DLG2: variants seen among roughly 807,000 people sequenced by gnomAD.
DLG2 encodes the protein disks large homolog 2.
DLG2 carries 45 observed loss-of-function variants against 132.5 expected under a neutral mutation model. The ratio of observed to expected loss-of-function variants is 0.34; its 90% CI spans 0.27 to 0.44. DLG2 has a LOEUF of 0.44. DLG2 is among the 20% of genes least tolerant of loss of function. The pLI is 1.00. For missense variants in DLG2, 1,045 were observed against 1,196.9 expected (o/e 0.87, Z 1.87); for synonymous variants, 424 against 419.6 (o/e 1.01, Z -0.13).
intron 3 of DLG2, among the ~76,000 whole-genome samples, chr11:85,351,754 G>A (rs2152881490): frequency 1.3e-5 from 2 of 152,322 alleles, no homozygotes; most frequent in East Asian, 1.9e-4. Flanking sequence ...TCCCAGGGAT[G>A]AAGCAAACTT....
chr11:84,498,440 C>G (rs1010823741), intron 7 of DLG2, among the ~76,000 whole-genome samples: 2 of 152,212 alleles, frequency 1.3e-5, no homozygotes, highest in Middle Eastern at 6.8e-3. Context: ...GTCACCACCA[C>G]CCCCACCACC....
At chr11:85,063,221 T>C (rs181359370) in intron 6 of DLG2, among the ~76,000 whole-genome samples, 92 of 151,884 alleles carry the variant, frequency 6.1e-4, no homozygotes, top group Middle Eastern at 3.4e-3. Context: ...GCAAACTGCA[T>C]CCAATGATCC....
Position 84,268,460 on chromosome 11 carries a change from C to CT in DLG2, c.520-17170dup, listed in dbSNP as rs145806678. Among the ~76,000 whole-genome samples the CT allele has an allele frequency of 9.2e-3, 1,092 of 119,206 alleles. 8 individuals are homozygous for CT. Among genetic ancestry groups the CT allele is most frequent in the Non-Finnish European group, 0.011 (655 of 57,128 alleles). The allele number at this position is 119,206 out of a possible 152,430, so 78.2% of individuals were successfully genotyped here. On this transcript the variant is annotated intron_variant, in intron 7 of 27. Transcript: ENST00000376104. ...TGACTGTGGGAAAGGTACTTCACCT[C>CT]TTTTTTTTTTTTTTTTTTTGAGACA...
intron 11 of DLG2, among the ~76,000 whole-genome samples, chr11:83,986,331 T>C (rs1438488776): frequency 3.3e-5 from 5 of 152,018 alleles, no homozygotes; most frequent in African/African-American, 4.8e-5. Context: ...GTTCTTGCAA[T>C]AGTTTACTGA....
chr11:84,337,586 A>G (rs2098492710), intron 7 of DLG2, among the ~76,000 whole-genome samples: 1 of 152,062 alleles, frequency 6.6e-6, no homozygotes, highest in South Asian at 2.1e-4. Flanking sequence ...TTTTTTTCAC[A>G]TAATAAATAC....
chr11:84,912,379 A>G (rs2092152115), intron 6 of DLG2, among the ~76,000 whole-genome samples: 1 of 152,158 alleles, frequency 6.6e-6, no homozygotes, highest in Admixed American at 6.5e-5. Flanking sequence ...GATGGTCTCG[A>G]TCTCCTGATC....
intron 6 of DLG2, among the ~76,000 whole-genome samples, chr11:84,611,451 T>C (rs2099595434): frequency 6.6e-6 from 1 of 152,060 alleles, no homozygotes. Flanking sequence ...AGACAGTTCA[T>C]GAGGTCCCTG....
intron 3 of DLG2, among the ~76,000 whole-genome samples, chr11:85,397,128 A>G (rs533370284): frequency 6.6e-6 from 1 of 152,340 alleles, no homozygotes; most frequent in African/African-American, 2.4e-5. Context: ...AATATTCAAC[A>G]TTCTTAAAGA....
At chr11:85,371,952 T>C (rs1434231192) in intron 3 of DLG2, among the ~76,000 whole-genome samples, 1 of 152,232 alleles carries the variant, frequency 6.6e-6, no homozygotes. Context: ...AGTCCTGACA[T>C]AATTTGTTTT....
chr11:84,304,121 G>C (rs1014031594), intron 7 of DLG2, among the ~76,000 whole-genome samples: 1 of 152,156 alleles, frequency 6.6e-6, no homozygotes, highest in Non-Finnish European at 1.5e-5. Flanking sequence ...AAGACATACA[G>C]GTATTGAACA....
chr11:84,436,909 C>T (rs552999351), intron 7 of DLG2, among the ~76,000 whole-genome samples: 2 of 152,186 alleles, frequency 1.3e-5, no homozygotes, highest in Non-Finnish European at 2.9e-5. Flanking sequence ...GTCTGGTCAA[C>T]GTTACTGAGA....
intron 3 of DLG2, chr11:85,453,374 G>C: frequency 4.7e-6 from 1 of 214,306 alleles, no homozygotes; most frequent in Non-Finnish European, 9.9e-6. Flanking sequence ...TTGAATCTGA[G>C]TTTCTTCTCT....
intron 6 of DLG2, among the ~76,000 whole-genome samples, chr11:84,556,678 C>A (rs1021446923): frequency 9.9e-5 from 15 of 152,280 alleles, no homozygotes; most frequent in African/African-American, 3.4e-4. Flanking sequence ...CTCTGTTCCC[C>A]AGATTACACA....
At chr11:85,062,723 GT>G (rs1331220099) in intron 6 of DLG2, among the ~76,000 whole-genome samples, 4 of 151,640 alleles carry the variant, frequency 2.6e-5, no homozygotes, top group Non-Finnish European at 5.9e-5. Flanking sequence ...CTAAACTTCA[GT>G]TAGTAAACTA....
At chr11:85,434,695 CA>C (rs565216094) in intron 3 of DLG2, among the ~76,000 whole-genome samples, 121 of 151,980 alleles carry the variant, frequency 8.0e-4, no homozygotes, top group African/African-American at 2.7e-3. Context: ...GCCTACCAAC[CA>C]AAAAAAGCCC....
intron 6 of DLG2, among the ~76,000 whole-genome samples, chr11:84,957,149 T>A (rs187070873): frequency 5.3e-5 from 8 of 152,256 alleles, no homozygotes; most frequent in Admixed American, 1.3e-4. Context: ...AACTTAAAGA[T>A]AAAATGGTTA....
At chr11:84,151,582 CTAGCTTTGAGGTTAG>C (rs1274845146) in intron 9 of DLG2, among the ~76,000 whole-genome samples, 1 of 152,048 alleles carries the variant, frequency 6.6e-6, no homozygotes, top group Non-Finnish European at 1.5e-5. Context: ...TTTTCTTCTG[CTAGCTTTGAGGTTAG>C]TTTGTTCTTG....
chr11:84,701,215 G>A (rs969084439), intron 6 of DLG2, among the ~76,000 whole-genome samples: 2 of 151,102 alleles, frequency 1.3e-5, no homozygotes, highest in South Asian at 2.1e-4. Context: ...TTATCTTAAC[G>A]TTGCACAATT....
intron 4 of DLG2, among the ~76,000 whole-genome samples, chr11:85,204,475 C>G (rs1336811906): frequency 2.0e-5 from 3 of 151,814 alleles, no homozygotes; most frequent in Admixed American, 1.3e-4. Flanking sequence ...TAAATTTAAC[C>G]AAAGAAGTGA....
Sources: gnomAD v4.1 joint callset for allele counts (sites outside exome capture counted in the v4.1 genomes callset) on GRCh38, gnomAD v4.1.1 for gene constraint, MANE v1.5 for transcripts, NCBI Gene and HGNC (gene_info 2026-07-23, HGNC 2026-07-21) for gene names.